JCAD: variants seen among roughly 807,000 people sequenced by gnomAD.
JCAD encodes junctional cadherin 5-associated protein.
A neutral mutation model predicts 98.0 loss-of-function variants in JCAD; 40 were observed. The observed-to-expected ratio is 0.41, with a 90% confidence interval of 0.32 to 0.53. The LOEUF (loss-of-function observed/expected upper bound fraction) is 0.53, where lower values mean the gene tolerates loss of function less well. JCAD is among the 20% of genes least tolerant of loss of function. The pLI, the probability that JCAD is intolerant of heterozygous loss-of-function variation, is 0.31. For synonymous variants in JCAD, 691 were observed against 682.3 expected (o/e 1.01, Z -0.20); for missense variants, 1,705 against 1,738.1 (o/e 0.98, Z 0.34).
intron 1 of JCAD, among the ~76,000 whole-genome samples, chr10:30,107,913 A>G (rs931914106): frequency 6.6e-6 from 1 of 152,176 alleles, no homozygotes; most frequent in Non-Finnish European, 1.5e-5. Flanking sequence ...AAAAATGGCC[A>G]TAGTGTCTAA....
At chr10:30,073,521 T>C (rs1397477493) in intron 1 of JCAD, among the ~76,000 whole-genome samples, 1 of 152,188 alleles carries the variant, frequency 6.6e-6, no homozygotes, top group East Asian at 1.9e-4. Flanking sequence ...GCTGAGAACA[T>C]GGAAGGATAC....
At chr10:30,064,651 CA>C (rs911893114) in intron 2 of JCAD, among the ~76,000 whole-genome samples, 4 of 150,740 alleles carry the variant, frequency 2.7e-5, no homozygotes, top group Non-Finnish European at 4.4e-5. Context: ...ACCCATTGAC[CA>C]AAAAAACCCC....
At chr10:30,070,638 C>T (rs1303506918) in intron 1 of JCAD, among the ~76,000 whole-genome samples, 1 of 152,192 alleles carries the variant, frequency 6.6e-6, no homozygotes, top group South Asian at 2.1e-4. Flanking sequence ...CTGTAACTAA[C>T]TGGTCACAGA....
Position 30,027,195 on chromosome 10 carries a change from C to A in JCAD, c.2953G>T (p.Ala985Ser), listed in dbSNP as rs375594607. 1.2e-6 allele frequency: 2 copies of A among 1,614,182 alleles called. No homozygotes were observed. Among genetic ancestry groups the A allele is most frequent in the Non-Finnish European group, 1.7e-6 (2 of 1,180,024 alleles). The change falls in exon 3 of 4, where the codon GCA (alanine) becomes TCA (serine). Residue 985 changes from alanine (A) to serine (S), a missense_variant. Physicochemically the swap from Ala to Ser is moderately conservative, Grantham distance 99. Transcript: ENST00000375377. ...GGATAGGACGCGGGCAGTGGTTTTG[C>A]GTCACTTGATCTTGAAGACATTCTC... is the stretch of plus-strand genomic sequence containing the variant. ...VTRMSSRSSD[A>S]KPLPASYPAE...
At chr10:30,106,378 T>C (rs994784685) in intron 1 of JCAD, among the ~76,000 whole-genome samples, 1 of 151,868 alleles carries the variant, frequency 6.6e-6, no homozygotes, top group Non-Finnish European at 1.5e-5. Flanking sequence ...CTGCAGTGAG[T>C]TATGATGGCA....
intron 2 of JCAD, among the ~76,000 whole-genome samples, chr10:30,042,941 A>T (rs1196541241): frequency 6.6e-6 from 1 of 152,164 alleles, no homozygotes; most frequent in Non-Finnish European, 1.5e-5. Flanking sequence ...TGTGCTTTAA[A>T]CGCTGGTAAA....
At chr10:30,107,212 T>C (rs1250346594) in intron 1 of JCAD, among the ~76,000 whole-genome samples, 2 of 152,156 alleles carry the variant, frequency 1.3e-5, no homozygotes, top group Non-Finnish European at 1.5e-5. Context: ...TCCAGTAGGT[T>C]AGGCACTGTA....
chr10:30,091,639 C>T (rs1430944138), intron 1 of JCAD, among the ~76,000 whole-genome samples: 1 of 149,292 alleles, frequency 6.7e-6, no homozygotes, highest in Non-Finnish European at 1.5e-5. Context: ...ATAAGACAGG[C>T]AAAATACTAA....
chr10:30,051,677 G>C (rs1837474100), intron 1 of JCAD, among the ~76,000 whole-genome samples: 1 of 152,170 alleles, frequency 6.6e-6, no homozygotes, highest in Non-Finnish European at 1.5e-5. Flanking sequence ...TTGGGCAAGG[G>C]AAATCTGGCA....
intron 2 of JCAD, among the ~76,000 whole-genome samples, chr10:30,038,081 T>A (rs1837153783): frequency 6.6e-6 from 1 of 152,152 alleles, no homozygotes; most frequent in Non-Finnish European, 1.5e-5. Context: ...TTCTGAATCA[T>A]CTTTGGGTTA....
chr10:30,111,895 G>A (rs1355884246), intron 1 of JCAD, among the ~76,000 whole-genome samples: 2 of 152,180 alleles, frequency 1.3e-5, no homozygotes, highest in Non-Finnish European at 2.9e-5. Flanking sequence ...GTGGAAAATA[G>A]TTTGGCAGTT....
At chr10:30,107,538 C>G (rs907737186) in intron 1 of JCAD, among the ~76,000 whole-genome samples, 4 of 152,180 alleles carry the variant, frequency 2.6e-5, no homozygotes, top group Non-Finnish European at 5.9e-5. Context: ...AATAATCCAC[C>G]CTTTGTTTAG....
At position 30,028,955 on chromosome 10, in the gene JCAD, C is replaced by T. The variant is rs1284568001; in HGVS notation, c.1193G>A (p.Gly398Asp). 3 of 1,613,918 alleles carry T rather than the reference C, an allele frequency of 1.9e-6. No homozygotes were observed. The highest frequency in any genetic ancestry group is 1.7e-5 in the Admixed American group (1 of 59,992). The change falls in exon 3 of 4, where the codon GGT (glycine) becomes GAT (aspartate). Residue 398 changes from glycine (G) to aspartate (D), a missense_variant. Gly to Asp is a moderately conservative substitution (Grantham distance 94, BLOSUM62 -1). Around this residue, in one of 3 missense-constraint regions of JCAD, gnomAD observed 1,278 missense variants for 1,243.1 expected, o/e 1.03. Coordinates refer to ENST00000375377, the MANE Select transcript of JCAD (RefSeq NM_020848.4). Reference protein sequence around the residue: ...SGPPGTGNEYGVSPRLPQGLP... With the variant: ...SGPPGTGNEYDVSPRLPQGLP... The stretch of plus-strand genomic sequence containing the variant: ...CCCCTGAGGCAAGCGGGGGCTCACA[C>T]CATACTCATTCCCAGTTCCAGGGGG...
Position 30,028,447 on chromosome 10 carries a change from G to C in JCAD, c.1701C>G (p.Thr567=). The C allele has an allele frequency of 6.2e-7, 1 of 1,614,150 alleles. No individual in the cohort carries two copies. The highest frequency in any genetic ancestry group is 8.5e-7 in the Non-Finnish European group (1 of 1,180,044). ...TCATTTTTTTCTTTGAACTTTTCTT[G>C]GTCCGAGTCCCAGTTTGGAACTTTT... is the stretch of plus-strand genomic sequence containing the variant. The part of the protein sequence containing the change: ...KLKKFQTGTR[T]KKSSKKKMNE... Residue 567 remains threonine (T), a synonymous_variant, in exon 3 of 4, where the codon ACC becomes ACG. Transcript: ENST00000375377.
intron 2 of JCAD, among the ~76,000 whole-genome samples, chr10:30,038,692 A>AAT (rs1554796967): frequency 1.2e-4 from 17 of 146,220 alleles, no homozygotes; most frequent in African/African-American, 4.6e-4. Context: ...TCAAAATAAA[A>AAT]AAAAAAAAAA....
chr10:30,108,457 C>G (rs1316855156), intron 1 of JCAD, among the ~76,000 whole-genome samples: 1 of 152,172 alleles, frequency 6.6e-6, no homozygotes, highest in Non-Finnish European at 1.5e-5. Flanking sequence ...TTTGGGAACA[C>G]TGCTTTGCAA....
At chr10:30,049,330 G>A (rs1010086782) in intron 1 of JCAD, among the ~76,000 whole-genome samples, 4 of 152,200 alleles carry the variant, frequency 2.6e-5, no homozygotes, top group South Asian at 4.1e-4. Context: ...ACAATGGCCA[G>A]GAAACGCCTG....
intron 3 of JCAD, among the ~76,000 whole-genome samples, chr10:30,020,999 C>T (rs1299171949): frequency 3.9e-5 from 6 of 152,160 alleles, no homozygotes; most frequent in Non-Finnish European, 7.3e-5. Flanking sequence ...CCTTCGAGAC[C>T]CTTACTATCT....
chr10:30,024,493 TA>T (rs1191941008), intron 3 of JCAD, among the ~76,000 whole-genome samples: 2 of 152,126 alleles, frequency 1.3e-5, no homozygotes, highest in Non-Finnish European at 2.9e-5. Context: ...TTTCCTACCA[TA>T]ATGGCAAAGC....
Sources: allele counts gnomAD v4.1 joint callset (sites outside exome capture counted in the v4.1 genomes callset), GRCh38; gene constraint gnomAD v4.1.1; regional missense constraint gnomAD v4.1.1; transcripts MANE v1.5; gene names NCBI Gene and HGNC (gene_info 2026-07-23, HGNC 2026-07-21).